The following DLGAP1 variants were observed in gnomAD, a reference collection of about 807,000 sequenced individuals.
DLGAP1 encodes the protein disks large-associated protein 1.
Under a neutral mutation model 90.8 loss-of-function variants are expected in DLGAP1, and 11 were observed. The observed-to-expected ratio is 0.12, with a 90% CI of 0.08 to 0.20. The LOEUF (loss-of-function observed/expected upper bound fraction) is 0.20. DLGAP1 is among the 10% of genes least tolerant of loss of function. The probability of loss-of-function intolerance (pLI) is 1.00; values close to 1 mark genes in which losing one functional copy is unlikely to be tolerated. For missense variants in DLGAP1, 1,050 were observed against 1,333.8 expected, an observed-to-expected ratio of 0.79 and a Z score of 3.31; for synonymous variants, 558 against 540.7, an observed-to-expected ratio of 1.03 and a Z score of -0.44.
intron 1 of DLGAP1, among the ~76,000 whole-genome samples, chr18:4,173,579 CCTAGGCTCTA>C (rs2077058362): frequency 6.6e-6 from 1 of 152,030 alleles, no homozygotes; most frequent in African/African-American, 2.4e-5. Context: ...AAAAAAAAAT[CCTAGGCTCTA>C]CTTATTAAAA....
chr18:3,800,370 T>G (rs1054890133), intron 5 of DLGAP1, among the ~76,000 whole-genome samples: 3 of 152,236 alleles, frequency 2.0e-5, no homozygotes, highest in Non-Finnish European at 4.4e-5. Context: ...TCCATTCCTT[T>G]GCATAAAGAA....
chr18:4,079,322 CACACACACACACACCAT>C (rs2075570345), intron 2 of DLGAP1, among the ~76,000 whole-genome samples: 1 of 130,894 alleles, frequency 7.6e-6, no homozygotes, highest in African/African-American at 2.9e-5. Context: ...CACACACACA[CACACACACACACACCAT>C]GGAATACTAG....
intron 2 of DLGAP1, among the ~76,000 whole-genome samples, chr18:4,104,341 A>G (rs1032412534): frequency 6.6e-6 from 1 of 152,160 alleles, no homozygotes; most frequent in African/African-American, 2.4e-5. Flanking sequence ...TCAGATGTGT[A>G]CAAAATATTC....
chr18:3,716,360 C>A (rs2061760123), intron 7 of DLGAP1, among the ~76,000 whole-genome samples: 1 of 151,784 alleles, frequency 6.6e-6, no homozygotes, highest in South Asian at 2.1e-4. Flanking sequence ...TATAGTGAGA[C>A]CTTGTCTCTA....
At chr18:4,243,907 T>C (rs1283183226) in intron 1 of DLGAP1, among the ~76,000 whole-genome samples, 1 of 152,214 alleles carries the variant, frequency 6.6e-6, no homozygotes, top group African/African-American at 2.4e-5. Flanking sequence ...GAACATTTTA[T>C]CCCTACCTTT....
chr18:3,559,195 T>C lies in DLGAP1; in HGVS notation c.2057+8295A>G, dbSNP rs961939083. Among the ~76,000 whole-genome samples the C allele has an allele frequency of 7.0e-4, 106 of 152,232 alleles. 1 individual carries two copies. The highest frequency in any genetic ancestry group is 2.5e-3 in the African/African-American group (102 of 41,468). ...CCAATTTTTCTGAAATAGATGATTC[T>C]GATGATTCAGATGATTCTGATGTTA... On this transcript the variant is annotated intron_variant, in intron 9 of 12. Coordinates refer to ENST00000315677, the MANE Select transcript of DLGAP1 (RefSeq NM_004746.4).
intron 7 of DLGAP1, among the ~76,000 whole-genome samples, chr18:3,615,480 G>A (rs1300169271): frequency 6.6e-6 from 1 of 152,126 alleles, no homozygotes; most frequent in East Asian, 1.9e-4. Context: ...ATAATCTCAG[G>A]GGTTGCTGGA....
chr18:3,673,576 C>A (rs1459493206), intron 7 of DLGAP1, among the ~76,000 whole-genome samples: 3 of 152,136 alleles, frequency 2.0e-5, no homozygotes, highest in African/African-American at 7.2e-5. Flanking sequence ...TGGATGGAGT[C>A]TCACTCTTCG....
intron 7 of DLGAP1, among the ~76,000 whole-genome samples, chr18:3,631,111 G>T (rs1446560821): frequency 6.6e-6 from 1 of 151,816 alleles, no homozygotes; most frequent in Non-Finnish European, 1.5e-5. Flanking sequence ...CTCCCAAGTA[G>T]CTGGGACTAC....
chr18:4,310,381 G>A (rs2080369785), intron 1 of DLGAP1, among the ~76,000 whole-genome samples: 1 of 152,184 alleles, frequency 6.6e-6, no homozygotes, highest in Non-Finnish European at 1.5e-5. Context: ...CTTTGAAAAA[G>A]TTAAACATCT....
intron 4 of DLGAP1, among the ~76,000 whole-genome samples, chr18:3,877,506 C>T (rs552082107): frequency 3.3e-5 from 5 of 152,266 alleles, no homozygotes; most frequent in South Asian, 4.1e-4. Context: ...ATAGAACCTT[C>T]GCAGACAAAA....
intron 1 of DLGAP1, among the ~76,000 whole-genome samples, chr18:4,391,666 A>C (rs57971349): frequency 0.075 from 11,324 of 151,924 alleles, 563 homozygotes; most frequent in African/African-American, 0.14. Context: ...AGAAGCATAA[A>C]CCTTCAGGAT....
chr18:4,406,327 G>C (rs1030218839), intron 1 of DLGAP1, among the ~76,000 whole-genome samples: 2 of 152,158 alleles, frequency 1.3e-5, no homozygotes, highest in Non-Finnish European at 2.9e-5. Context: ...ACTTGAGCAT[G>C]GAAACTTGGG....
rs1191413864 is a variant in DLGAP1, at chr18:3,997,025, GTTTTCT to G, written c.-73+8085_-73+8090del. 1.7e-4 allele frequency among the ~76,000 whole-genome samples: 5 copies of G among 29,494 alleles called. 1 individual carries two copies. Among genetic ancestry groups the G allele is most frequent in the African/African-American group, 6.9e-4 (5 of 7,222 alleles). 19.3% of individuals were successfully genotyped at this position (29,494 alleles called of 152,430 possible). A position where few individuals can be genotyped will look rare whatever the true frequency, so the allele number is the denominator to read the frequency against. On this transcript the variant is annotated intron_variant, in intron 3 of 12. Transcript: ENST00000315677. ...TTGGATTAGAAATATAAGTTGCAGA[GTTTTCT>G]TTTTTTTTTTTTTCATATTTTAAAA...
chr18:4,305,274 C>T (rs562591970), intron 1 of DLGAP1, among the ~76,000 whole-genome samples: 7 of 152,108 alleles, frequency 4.6e-5, no homozygotes, highest in Admixed American at 4.6e-4. Flanking sequence ...GTGGCTCACG[C>T]CTGTAATCTC....
At chr18:3,600,840 A>G (rs2056914657) in intron 7 of DLGAP1, among the ~76,000 whole-genome samples, 1 of 101,046 alleles carries the variant, frequency 9.9e-6, no homozygotes, top group Non-Finnish European at 1.8e-5. Context: ...ATATATAGAT[A>G]TATATAGATA....
chr18:4,427,606 A>G (rs1033268435), intron 1 of DLGAP1, among the ~76,000 whole-genome samples: 20 of 152,188 alleles, frequency 1.3e-4, no homozygotes, highest in Non-Finnish European at 5.9e-5. Flanking sequence ...GAACGCACTC[A>G]AAGACAGTAG....
chr18:4,276,421 A>C (rs2079416253), intron 1 of DLGAP1, among the ~76,000 whole-genome samples: 1 of 152,064 alleles, frequency 6.6e-6, no homozygotes. Flanking sequence ...GGATCACTCG[A>C]GGTCAGGAGC....
chr18:3,767,301 G>A (rs981662313), intron 5 of DLGAP1, among the ~76,000 whole-genome samples: 6 of 152,018 alleles, frequency 3.9e-5, no homozygotes, highest in African/African-American at 1.4e-4. Flanking sequence ...TGGTTTCACA[G>A]GAGGATGTCA....
Sources: allele counts gnomAD v4.1 joint callset (sites outside exome capture counted in the v4.1 genomes callset), GRCh38; gene constraint gnomAD v4.1.1; transcripts MANE v1.5; gene names NCBI Gene and HGNC (gene_info 2026-07-23, HGNC 2026-07-21).